USP44: variants seen among roughly 807,000 people sequenced by gnomAD.
The protein encoded by USP44 is ubiquitin carboxyl-terminal hydrolase 44.
In USP44, 61 loss-of-function variants were observed where a neutral mutation model predicts 69.0. That is an observed-to-expected ratio of 0.88 (90% CI 0.72 to 1.09). USP44 has a LOEUF of 1.09. Among genes scored for constraint, USP44 ranks in the 50% least tolerant of loss-of-function variants. USP44 has a pLI of 0.00. For missense variants in USP44, 753 were observed against 849.9 expected, an observed-to-expected ratio of 0.89 and a Z score of 1.42; for synonymous variants, 297 against 295.4, an observed-to-expected ratio of 1.01 and a Z score of -0.06.
At chr12:95,546,930 A>G (rs1262434763) in intron 1 of USP44, 1 of 152,224 alleles carries the variant, frequency 6.6e-6, no homozygotes, top group African/African-American at 2.4e-5. Flanking sequence ...AAGTGTGTAG[A>G]GGAGAAGTTT....
At chr12:95,539,412 G>A (rs926634730) in intron 1 of USP44, among the ~76,000 whole-genome samples, 1 of 152,082 alleles carries the variant, frequency 6.6e-6, no homozygotes, top group African/African-American at 2.4e-5. Flanking sequence ...ATTTGTAATA[G>A]AGACAGGGTT....
At chr12:95,534,869 C>CA (rs2077149824) in intron 1 of USP44, among the ~76,000 whole-genome samples, 1 of 152,022 alleles carries the variant, frequency 6.6e-6, no homozygotes, top group South Asian at 2.1e-4. Flanking sequence ...TTACTAGAGA[C>CA]AAGGTTTCGT....
In USP44 at chr12:95,519,432, A is replaced by ACTT. The variant is rs199606254; in HGVS notation, c.1940-1080_1940-1079insAAG. 6.6e-3 allele frequency among the ~76,000 whole-genome samples: 555 copies of ACTT among 84,520 alleles called. 39 individuals are homozygous for ACTT. The highest frequency in any genetic ancestry group is 0.02 in the Admixed American group (130 of 6,394). The allele number at this position is 84,520 out of a possible 152,430, so 55.4% of individuals were successfully genotyped here. A position where few individuals can be genotyped will look rare whatever the true frequency, so the allele number is the denominator to read the frequency against. ...TTCAGACAAGGTATACTCAATCTGTATTTTTTTTTTTTTTTTTTTTTTTTT... is the reference window on the plus strand; with the variant it reads ...TTCAGACAAGGTATACTCAATCTGTACTTTTTTTTTTTTTTTTTTTTTTTTTTT... On this transcript the variant is annotated intron_variant, in intron 5 of 5. Coordinates refer to ENST00000258499, the MANE Select transcript of USP44 (RefSeq NM_032147.5).
chr12:95,522,543 C>T (rs1004707398), intron 4 of USP44, among the ~76,000 whole-genome samples: 2 of 151,866 alleles, frequency 1.3e-5, no homozygotes, highest in African/African-American at 2.4e-5. Flanking sequence ...CTTGGGAGGC[C>T]GAGGTGGGTG....
At chr12:95,525,543 G>A (rs977408290) in intron 3 of USP44, among the ~76,000 whole-genome samples, 1 of 152,210 alleles carries the variant, frequency 6.6e-6, no homozygotes, top group Non-Finnish European at 1.5e-5. Flanking sequence ...ACCAAGGCTA[G>A]TCAGAAACCC....
Position 95,524,703 on chromosome 12 carries a change from G to A in USP44, c.1710C>T (p.Leu570=). ...QLMICHLPQV[L]RLHLKRFRWS... is the part of the protein sequence containing the mutation. ...ACCTGAATCGTTTGAGGTGCAGTCTGAGAACCTGAGGTAGGTGGCATATCA... is the reference window on the plus strand; with the variant it reads ...ACCTGAATCGTTTGAGGTGCAGTCTAAGAACCTGAGGTAGGTGGCATATCA... The change falls in exon 4 of 6, where the codon CTC becomes CTT. Residue 570 remains leucine (L), a synonymous_variant. Coordinates refer to ENST00000258499, the MANE Select transcript of USP44 (RefSeq NM_032147.5). 3 of 1,612,058 alleles carry A rather than the reference G, an allele frequency of 1.9e-6. No individual in the cohort carries two copies. In the South Asian group the frequency reaches 3.3e-5, roughly 18 times the overall value.
intron 2 of USP44, among the ~76,000 whole-genome samples, chr12:95,530,845 T>G (rs2076996708): frequency 6.6e-6 from 1 of 151,948 alleles, no homozygotes; most frequent in Admixed American, 6.6e-5. Context: ...CAGTCAACAA[T>G]AGGGGAATGG....
intron 2 of USP44, among the ~76,000 whole-genome samples, chr12:95,531,893 A>G (rs371873205): frequency 7.9e-5 from 12 of 152,336 alleles, no homozygotes; most frequent in East Asian, 3.9e-4. Context: ...CAGTTCACCA[A>G]TAAGTCCACT....
chr12:95,549,663 A>G (rs1055901495), intron 1 of USP44, among the ~76,000 whole-genome samples: 1 of 152,208 alleles, frequency 6.6e-6, no homozygotes, highest in Non-Finnish European at 1.5e-5. Context: ...ATGCAAAGTT[A>G]ACAATACATC....
chr12:95,550,025 A>C (rs2140412689), intron 1 of USP44, among the ~76,000 whole-genome samples: 1 of 152,146 alleles, frequency 6.6e-6, no homozygotes, highest in South Asian at 2.1e-4. Flanking sequence ...CTAAAAATAC[A>C]AAAATTATCC....
Position 95,521,056 on chromosome 12 carries a change from T to G in USP44, c.1880A>C (p.His627Pro), listed in dbSNP as rs2076644468. The change falls in exon 5 of 6, where the codon CAC becomes CCC. Residue 627 changes from histidine (H) to proline (P), a missense_variant. Physicochemically the swap from His to Pro is moderately conservative, Grantham distance 77. Coordinates refer to ENST00000258499, the MANE Select transcript of USP44 (RefSeq NM_032147.5). ...FIYDLSAVVM[H>P]HGKGFGSGHY... ...CCCTGAGCCAAATCCTTTCCCATGG[T>G]GCATCACCACCGCGGACAAGTCATA... 6.2e-7 allele frequency: 1 copy of G among 1,614,052 alleles called. No individual in the cohort carries two copies. The highest frequency in any genetic ancestry group is 1.3e-5 in the African/African-American group (1 of 74,914).
In USP44 at chr12:95,533,822, T is replaced by C. The variant is rs145184957; in HGVS notation, c.435A>G (p.Gln145=). The change falls in exon 2 of 6, where the codon CAA becomes CAG. Residue 145 remains glutamine (Q), a synonymous_variant. Transcript: ENST00000258499. ...TCCTGTGCCAAAGAGCAGTATACAG[T>C]TGATCTTCACTTTGAAGCAGAGATT... ...GAQSLLQSED[Q]LYTALWHRRR... 2 of 1,614,100 alleles carry C rather than the reference T, an allele frequency of 1.2e-6. No individual in the cohort carries two copies. The highest frequency in any genetic ancestry group is 1.7e-6 in the Non-Finnish European group (2 of 1,180,042).
In USP44 at chr12:95,518,078, G is replaced by T; in HGVS notation, c.*76C>A. 6.7e-7 allele frequency: 1 copy of T among 1,486,684 alleles called. No homozygotes were observed. The highest frequency in any genetic ancestry group is 1.2e-5 in the South Asian group (1 of 81,548). 92.1% of individuals were successfully genotyped at this position (1,486,684 alleles called of 1,614,324 possible). ...TATACACTGATTCACAAGAAAAAAT[G>T]AAGTTTAAAATGGTACATCAGTCTT... is the stretch of plus-strand genomic sequence containing the variant. On this transcript the variant is annotated 3_prime_UTR_variant, in exon 6 of 6. Transcript: ENST00000258499.
intron 3 of USP44, among the ~76,000 whole-genome samples, chr12:95,527,064 C>T (rs1450381016): frequency 6.6e-6 from 1 of 150,958 alleles, no homozygotes; most frequent in African/African-American, 2.4e-5. Flanking sequence ...CTCCCACCCT[C>T]TCCCCTGAAT....
intron 2 of USP44, among the ~76,000 whole-genome samples, chr12:95,532,174 T>G (rs1039666398): frequency 5.4e-5 from 8 of 147,872 alleles, no homozygotes; most frequent in Non-Finnish European, 1.2e-4. Flanking sequence ...TGGGTTTTTT[T>G]TTTTTTTTTT....
At chr12:95,536,368 A>G (rs112179245) in intron 1 of USP44, among the ~76,000 whole-genome samples, 2 of 151,964 alleles carry the variant, frequency 1.3e-5, no homozygotes, top group African/African-American at 4.8e-5. Flanking sequence ...TTAAGTGCAC[A>G]TTTTAAATTT....
intron 1 of USP44, among the ~76,000 whole-genome samples, chr12:95,550,659 C>CATT (rs2077708793): frequency 6.6e-6 from 1 of 151,822 alleles, no homozygotes; most frequent in African/African-American, 2.4e-5. Context: ...ATTATAATGC[C>CATT]ATAAAACCAT....
At chr12:95,544,866 G>A (rs1447985490) in intron 1 of USP44, among the ~76,000 whole-genome samples, 1 of 151,948 alleles carries the variant, frequency 6.6e-6, no homozygotes, top group East Asian at 1.9e-4. Context: ...CATTTTATAT[G>A]TCTTAGTGTC....
chr12:95,536,791 C>T (rs1157554699), intron 1 of USP44, among the ~76,000 whole-genome samples: 1 of 152,268 alleles, frequency 6.6e-6, no homozygotes, highest in East Asian at 1.9e-4. Flanking sequence ...CCTAAACAAC[C>T]ACTTTAGGGG....
Sources: gnomAD v4.1 joint callset for allele counts (sites outside exome capture counted in the v4.1 genomes callset) on GRCh38, gnomAD v4.1.1 for gene constraint, MANE v1.5 for transcripts, NCBI Gene and HGNC (gene_info 2026-07-23, HGNC 2026-07-21) for gene names.